GPC3: variants seen among roughly 807,000 people sequenced by gnomAD.
GPC3 encodes glypican-3.
In GPC3, 3 loss-of-function variants were observed where a neutral mutation model predicts 34.4. That is an observed-to-expected ratio of 0.09 (90% CI 0.04 to 0.23). The LOEUF (loss-of-function observed/expected upper bound fraction) is 0.23. Among genes scored for constraint, GPC3 ranks in the 10% least tolerant of loss-of-function variants. The probability of loss-of-function intolerance (pLI) is 1.00; values close to 1 mark genes in which losing one functional copy is unlikely to be tolerated. For missense variants in GPC3, 351 were observed against 445.6 expected (o/e 0.79, Z 1.91); for synonymous variants, 177 against 174.0 (o/e 1.02, Z -0.13).
chrX:133,912,978 C>T (rs1346934956), intron 2 of GPC3, among the ~76,000 whole-genome samples: 1 of 105,744 alleles, frequency 9.5e-6, no homozygotes, highest in African/African-American at 3.5e-5. Context: ...TGCTTGAACC[C>T]GGGAGGTAGA....
chrX:133,893,976 G>C (rs998536671), intron 2 of GPC3, among the ~76,000 whole-genome samples: 3 of 110,789 alleles, frequency 2.7e-5, no homozygotes, highest in Admixed American at 9.6e-5. Flanking sequence ...CCAAGTAGCT[G>C]GGATTACAGG....
intron 7 of GPC3, among the ~76,000 whole-genome samples, chrX:133,557,033 C>T (rs2069496064): frequency 9.0e-6 from 1 of 111,214 alleles, no homozygotes; most frequent in South Asian, 3.9e-4. Flanking sequence ...GTGGCTCATG[C>T]CTGTAATCCC....
chrX:133,970,932 A>T (rs1199463480), intron 1 of GPC3, among the ~76,000 whole-genome samples: 1 of 111,897 alleles, frequency 8.9e-6, no homozygotes, highest in East Asian at 2.8e-4. Flanking sequence ...ATTGGAATAC[A>T]ATCTCTAACC....
At chrX:133,679,214 A>G (rs2070915119) in intron 5 of GPC3, among the ~76,000 whole-genome samples, 1 of 111,591 alleles carries the variant, frequency 9.0e-6, no homozygotes, top group Admixed American at 9.5e-5. Flanking sequence ...GGAAGCTACT[A>G]AAGGATCCAT....
intron 2 of GPC3, among the ~76,000 whole-genome samples, chrX:133,809,031 C>T (rs1445215617): frequency 5.4e-5 from 6 of 111,711 alleles, no homozygotes; most frequent in African/African-American, 9.8e-5. Flanking sequence ...ATAAGATCAA[C>T]GGTGTGGAAA....
At chrX:133,786,746 G>GT (rs923991679) in intron 2 of GPC3, among the ~76,000 whole-genome samples, 4 of 110,624 alleles carry the variant, frequency 3.6e-5, no homozygotes, top group Non-Finnish European at 5.7e-5. Context: ...ATTTTGCTGA[G>GT]TTTTTTTTTC....
At chrX:133,835,822 T>A (rs1457683819) in intron 2 of GPC3, among the ~76,000 whole-genome samples, 1 of 112,924 alleles carries the variant, frequency 8.9e-6, no homozygotes, top group Non-Finnish European at 1.9e-5. Flanking sequence ...AAAAAAATCA[T>A]CCTTTCAAAA....
chrX:133,562,707 T>A (rs1304984201), intron 7 of GPC3, among the ~76,000 whole-genome samples: 2 of 111,769 alleles, frequency 1.8e-5, no homozygotes, highest in Non-Finnish European at 3.8e-5. Context: ...TATAGTAAAG[T>A]AGGACTTAGA....
At chrX:133,728,008 C>T (rs1015731354) in intron 3 of GPC3, among the ~76,000 whole-genome samples, 10 of 112,175 alleles carry the variant, frequency 8.9e-5, no homozygotes, top group African/African-American at 3.2e-4. Context: ...TGATTAAAAA[C>T]GTGAAGCTGA....
chrX:133,757,390 G>A (rs1365446013), intron 2 of GPC3, among the ~76,000 whole-genome samples: 1 of 111,313 alleles, frequency 9.0e-6, no homozygotes, highest in Non-Finnish European at 1.9e-5. Flanking sequence ...TGATGGTGAA[G>A]TGTACAATCA....
intron 6 of GPC3, among the ~76,000 whole-genome samples, chrX:133,660,903 T>C (rs748424431): frequency 7.2e-5 from 8 of 111,812 alleles, no homozygotes; most frequent in African/African-American, 2.6e-4. Flanking sequence ...GCATGGTGGC[T>C]CACACCTGTA....
intron 2 of GPC3, among the ~76,000 whole-genome samples, chrX:133,842,399 T>C (rs184320109): frequency 1.1e-4 from 11 of 102,256 alleles, no homozygotes; most frequent in African/African-American, 4.4e-4. Context: ...CATAATGTAT[T>C]ACATTATATA....
chrX:133,686,994 C>T (rs1038809014), intron 5 of GPC3, among the ~76,000 whole-genome samples: 36 of 108,648 alleles, frequency 3.3e-4, no homozygotes, highest in Non-Finnish European at 5.5e-4. Flanking sequence ...GGTGCGATCT[C>T]GGCTCACTGC....
intron 7 of GPC3, among the ~76,000 whole-genome samples, chrX:133,579,532 A>C (rs1254473518): frequency 8.9e-6 from 1 of 112,010 alleles, no homozygotes; most frequent in Non-Finnish European, 1.9e-5. Flanking sequence ...ATCTGAACTG[A>C]ATTTTTCATT....
intron 2 of GPC3, among the ~76,000 whole-genome samples, chrX:133,945,842 C>T (rs2076366082): frequency 8.9e-6 from 1 of 111,801 alleles, no homozygotes; most frequent in Middle Eastern, 4.7e-3. Flanking sequence ...CACTTGCACA[C>T]CCTCTCACAG....
chrX:133,832,331 A>C (rs2075779270), intron 2 of GPC3, among the ~76,000 whole-genome samples: 1 of 109,520 alleles, frequency 9.1e-6, no homozygotes, highest in Non-Finnish European at 1.9e-5. Flanking sequence ...ACTACCGGTG[A>C]GGCTGGGGTT....
At chrX:133,537,615 C>G (rs1297298288) in intron 7 of GPC3, among the ~76,000 whole-genome samples, 2 of 111,545 alleles carry the variant, frequency 1.8e-5, no homozygotes, top group Non-Finnish European at 3.8e-5. Flanking sequence ...TACCAATTTC[C>G]AAAAGGTCTA....
intron 3 of GPC3, among the ~76,000 whole-genome samples, chrX:133,730,900 T>C (rs989286002): frequency 1.8e-5 from 2 of 112,268 alleles, no homozygotes; most frequent in African/African-American, 6.5e-5. Context: ...GGCAATTCCT[T>C]TGCCTTAAAT....
Position 133,675,935 on chromosome X carries a change from G to A in GPC3, c.1293-14085C>T, listed in dbSNP as rs146803791. ...TCCAATGTTCTGGCCTACTAATTCC[G>A]GTCTGGACTTCACGAACCAGCATTT... On this transcript the variant is annotated intron_variant, in intron 5 of 7. Transcript: ENST00000370818. Among the ~76,000 whole-genome samples, 610 of 112,352 alleles carry A rather than the reference G, an allele frequency of 5.4e-3. 3 individuals carry two copies. The highest frequency in any genetic ancestry group is 5.0e-3 in the Non-Finnish European group (265 of 53,288).
Sources: allele counts gnomAD v4.1 joint callset (sites outside exome capture counted in the v4.1 genomes callset), GRCh38; gene constraint gnomAD v4.1.1; transcripts MANE v1.5; gene names NCBI Gene and HGNC (gene_info 2026-07-23, HGNC 2026-07-21).